Variants in RABL3 observed in about 807,000 individuals in gnomAD.
RABL3 encodes the protein rab-like protein 3.
Under a neutral mutation model 31.8 loss-of-function variants are expected in RABL3, and 31 were observed. The ratio of observed to expected loss-of-function variants is 0.97; its 90% CI spans 0.73 to 1.31. The LOEUF is 1.31. Among genes scored for constraint, RABL3 ranks in the 40% most tolerant of loss-of-function variants. The probability of loss-of-function intolerance (pLI) is 0.00; values close to 1 mark genes in which losing one functional copy is unlikely to be tolerated. For synonymous variants in RABL3, 97 were observed against 99.9 expected (o/e 0.97, Z 0.18); for missense variants, 263 against 279.6 (o/e 0.94, Z 0.42).
At chr3:120,714,197 A>G (rs1251463511) in intron 2 of RABL3, among the ~76,000 whole-genome samples, 1 of 152,206 alleles carries the variant, frequency 6.6e-6, no homozygotes, top group Non-Finnish European at 1.5e-5. Context: ...GTAGATGCTA[A>G]TAAGTTTGGT....
intron 2 of RABL3, chr3:120,722,451 T>C (rs1350090381): frequency 1.3e-5 from 2 of 152,206 alleles, no homozygotes; most frequent in Admixed American, 6.5e-5. Flanking sequence ...AAGTCCCATA[T>C]ATCTTAATGG....
intron 5 of RABL3, among the ~76,000 whole-genome samples, chr3:120,697,878 C>T (rs928751556): frequency 2.0e-5 from 3 of 152,106 alleles, no homozygotes; most frequent in Non-Finnish European, 4.4e-5. Flanking sequence ...CAAGAAAAAG[C>T]CCATGGGCCA....
chr3:120,715,262 G>A (rs1708654926), intron 2 of RABL3, among the ~76,000 whole-genome samples: 1 of 152,210 alleles, frequency 6.6e-6, no homozygotes, highest in Non-Finnish European at 1.5e-5. Context: ...ATACAGGCCA[G>A]GTGTGGTGGC....
At chr3:120,727,664 T>C (rs1426365468) in intron 2 of RABL3, among the ~76,000 whole-genome samples, 1 of 152,114 alleles carries the variant, frequency 6.6e-6, no homozygotes, top group Non-Finnish European at 1.5e-5. Flanking sequence ...GATGGGACAA[T>C]CTTTCCAATG....
intron 6 of RABL3, among the ~76,000 whole-genome samples, chr3:120,693,622 T>G (rs942384537): frequency 6.8e-6 from 1 of 147,544 alleles, no homozygotes; most frequent in Non-Finnish European, 1.5e-5. Flanking sequence ...TCATTCTACA[T>G]TTTCCTTCCA....
intron 4 of RABL3, among the ~76,000 whole-genome samples, chr3:120,700,372 T>C (rs1417746711): frequency 1.3e-5 from 2 of 151,746 alleles, no homozygotes; most frequent in African/African-American, 4.8e-5. Context: ...TAAAAGACAA[T>C]ACAGGGAGAC....
intron 1 of RABL3, among the ~76,000 whole-genome samples, chr3:120,734,705 T>A (rs1191668744): frequency 1.3e-5 from 2 of 152,224 alleles, no homozygotes; most frequent in African/African-American, 4.8e-5. Context: ...CTTATTATTT[T>A]GAGATATGTC....
chr3:120,731,836 G>A (rs1039660126), intron 1 of RABL3, among the ~76,000 whole-genome samples: 1 of 152,172 alleles, frequency 6.6e-6, no homozygotes, highest in Non-Finnish European at 1.5e-5. Context: ...AGGATCACTT[G>A]AGCCCAGGAG....
At chr3:120,729,334 G>T (rs1708856755) in intron 2 of RABL3, among the ~76,000 whole-genome samples, 1 of 152,154 alleles carries the variant, frequency 6.6e-6, no homozygotes, top group Admixed American at 6.5e-5. Flanking sequence ...AAAAGGCGCT[G>T]TATAGGGATA....
At chr3:120,717,559 C>T (rs938025477) in intron 2 of RABL3, among the ~76,000 whole-genome samples, 4 of 152,124 alleles carry the variant, frequency 2.6e-5, no homozygotes, top group African/African-American at 9.7e-5. Flanking sequence ...ACCTCCGCAT[C>T]CCGGGTTCAA....
intron 2 of RABL3, among the ~76,000 whole-genome samples, chr3:120,727,004 A>G (rs1708829350): frequency 6.6e-6 from 1 of 152,174 alleles, no homozygotes; most frequent in Non-Finnish European, 1.5e-5. Context: ...AATAATAATG[A>G]AAAAAATTTT....
At chr3:120,694,270 A>T (rs1236798958) in intron 5 of RABL3, 46 bp from the exon 6 acceptor site, 1 of 1,314,534 alleles carries the variant, frequency 7.6e-7, no homozygotes, top group Non-Finnish European at 1.1e-6. Flanking sequence ...TAGGAAACCC[A>T]AGCTCGTTGC....
At chr3:120,729,162 A>C (rs1360426128) in intron 2 of RABL3, among the ~76,000 whole-genome samples, 1 of 152,208 alleles carries the variant, frequency 6.6e-6, no homozygotes, top group Non-Finnish European at 1.5e-5. Flanking sequence ...ACTTTCTGTC[A>C]GGGACCTCAG....
intron 4 of RABL3, among the ~76,000 whole-genome samples, chr3:120,705,311 C>A (rs1486589144): frequency 1.3e-5 from 2 of 151,992 alleles, no homozygotes; most frequent in African/African-American, 4.8e-5. Flanking sequence ...CAAGCTGATT[C>A]TAAAAATTCA....
chr3:120,705,664 T>A (rs1041600309), intron 4 of RABL3, among the ~76,000 whole-genome samples: 5 of 152,158 alleles, frequency 3.3e-5, no homozygotes, highest in African/African-American at 1.2e-4. Context: ...TGCAAACCTA[T>A]AAAACTTAAA....
intron 1 of RABL3, among the ~76,000 whole-genome samples, chr3:120,733,266 G>C (rs1448147013): frequency 6.6e-6 from 1 of 152,202 alleles, no homozygotes; most frequent in Non-Finnish European, 1.5e-5. Context: ...TAACTGGAGT[G>C]AAATGGTACC....
chr3:120,702,901 G>C (rs1437554125), intron 4 of RABL3, among the ~76,000 whole-genome samples: 1 of 152,160 alleles, frequency 6.6e-6, no homozygotes. Context: ...TCTCAAGACA[G>C]TGGGGCAAAC....
At chr3:120,691,085 A>G (rs1708374888) in intron 6 of RABL3, among the ~76,000 whole-genome samples, 1 of 152,202 alleles carries the variant, frequency 6.6e-6, no homozygotes, top group Non-Finnish European at 1.5e-5. Flanking sequence ...TTTGATAAGT[A>G]GAAAAAACAT....
intron 6 of RABL3, among the ~76,000 whole-genome samples, chr3:120,693,580 CAA>C (rs935153939): frequency 1.3e-5 from 2 of 152,128 alleles, no homozygotes; most frequent in Admixed American, 6.5e-5. Context: ...GAAGGAAAGA[CAA>C]AGAGTGCTCT....
Sources: gnomAD v4.1 joint callset for allele counts (sites outside exome capture counted in the v4.1 genomes callset) on GRCh38, gnomAD v4.1.1 for gene constraint, MANE v1.5 for transcripts, NCBI Gene and HGNC (gene_info 2026-07-23, HGNC 2026-07-21) for gene names.